Variants in MYO5C observed in about 807,000 individuals in gnomAD.
The protein encoded by MYO5C is myosin VC.
A neutral mutation model predicts 235.7 loss-of-function variants in MYO5C; 194 were observed. That is an observed-to-expected ratio of 0.82 (90% CI 0.73 to 0.93). The LOEUF (loss-of-function observed/expected upper bound fraction) is 0.93. MYO5C is among the 40% of genes least tolerant of loss of function. The pLI is 0.00. For synonymous variants in MYO5C, 707 were observed against 754.8 expected, an observed-to-expected ratio of 0.94 and a Z score of 1.04; for missense variants, 2,038 against 2,127.2, an observed-to-expected ratio of 0.96 and a Z score of 0.82.
chr15:52,237,096 A>G (rs545439021), intron 22 of MYO5C: 39 of 155,344 alleles, frequency 2.5e-4, no homozygotes, highest in Non-Finnish European at 5.1e-4. Flanking sequence ...CAGAGATGAA[A>G]ACCCTACCCT....
At chr15:52,277,704 T>C (rs575372908) in intron 4 of MYO5C, 127 of 387,692 alleles carry the variant, frequency 3.3e-4, no homozygotes, top group Non-Finnish European at 5.7e-4. Flanking sequence ...AGGTGAGAAC[T>C]GGCTTGTCCC....
Position 52,205,801 on chromosome 15 carries a change from C to T in MYO5C, c.4537+15G>A. ...GTTACTATAAATATTTTTTGGTCAT[C>T]CATTCTCTTCTTACCTATTATCGGT... On this transcript the variant is annotated intron_variant, in intron 37 of 40. Transcript: ENST00000261839. The T allele has an allele frequency of 1.3e-6, 2 of 1,481,580 alleles. No homozygotes were observed. The highest frequency in any genetic ancestry group is 1.8e-6 in the Non-Finnish European group (2 of 1,094,924). 91.8% of individuals were successfully genotyped at this position (1,481,580 alleles called of 1,614,324 possible). A position where few individuals can be genotyped will look rare whatever the true frequency, so the allele number is the denominator to read the frequency against.
rs1259246704 is a variant in MYO5C, at chr15:52,253,369, T to G, written c.1484A>C (p.Asp495Ala). 14 of 1,613,936 alleles carry G rather than the reference T, an allele frequency of 8.7e-6. No individual in the cohort carries two copies. The highest frequency in any genetic ancestry group is 1.1e-5 in the Non-Finnish European group (13 of 1,179,864). Residue 495 changes from aspartate (D) to alanine (A), a missense_variant, in exon 12 of 41, where the codon GAC (aspartate) becomes GCC (alanine). Physicochemically the swap from Asp to Ala is moderately radical, Grantham distance 126. Coordinates refer to ENST00000261839, the MANE Select transcript of MYO5C (RefSeq NM_018728.4). ...IDFYDNQPVI[D>A]LIEAKMGILE... ...AATTCCCATTTTTGCTTCAATCAGGTCAATAACTGGTTGATTGTCATAAAA... is the reference window on the plus strand; with the variant it reads ...AATTCCCATTTTTGCTTCAATCAGGGCAATAACTGGTTGATTGTCATAAAA...
intron 35 of MYO5C, 74 bp from the exon 36 acceptor site, chr15:52,208,717 T>C (rs2035378897): frequency 7.5e-7 from 1 of 1,324,608 alleles, no homozygotes; most frequent in Admixed American, 1.9e-5. Flanking sequence ...TGTTTGGTTA[T>C]TTGTAGCTTT....
chr15:52,235,343 GCGCACACACAGA>G (rs1308526591), intron 23 of MYO5C, among the ~76,000 whole-genome samples: 2 of 152,040 alleles, frequency 1.3e-5, no homozygotes, highest in African/African-American at 4.8e-5. Flanking sequence ...ACACACGAAT[GCGCACACACAGA>G]CACACACACA....
chr15:52,214,065 T>G (rs949248963), intron 33 of MYO5C, among the ~76,000 whole-genome samples: 6 of 152,032 alleles, frequency 3.9e-5, no homozygotes, highest in Non-Finnish European at 7.4e-5. Flanking sequence ...TAATAAAGAA[T>G]GAAAGAGTGA....
intron 18 of MYO5C, among the ~76,000 whole-genome samples, chr15:52,245,019 C>G (rs921664498): frequency 6.6e-6 from 1 of 152,230 alleles, no homozygotes; most frequent in Non-Finnish European, 1.5e-5. Context: ...ACACAAGGCA[C>G]CATGCCTGGA....
chr15:52,279,807 C>T, intron 2 of MYO5C, 133 bp from the exon 3 acceptor site: 8 of 848,722 alleles, frequency 9.4e-6, no homozygotes, highest in Non-Finnish European at 1.2e-5. Context: ...GTACTTATAG[C>T]AACAAGAAAA....
At chr15:52,235,912 T>C (rs1026640133) in intron 22 of MYO5C, 149 bp from the exon 23 acceptor site, 7 of 572,864 alleles carry the variant, frequency 1.2e-5, no homozygotes, top group African/African-American at 3.8e-5. Flanking sequence ...CACCAGCCAC[T>C]GTAAGACGCT....
chr15:52,229,386 A>G, intron 24 of MYO5C, 73 bp from the exon 25 acceptor site: 2 of 1,412,074 alleles, frequency 1.4e-6, no homozygotes, highest in Non-Finnish European at 1.9e-6. Flanking sequence ...GCACTTTGGG[A>G]GGCCAAGGCA....
At chr15:52,274,219 G>T (rs981318123) in intron 5 of MYO5C, among the ~76,000 whole-genome samples, 2 of 152,118 alleles carry the variant, frequency 1.3e-5, no homozygotes, top group Non-Finnish European at 2.9e-5. Context: ...TCTAGTAGAG[G>T]AGACAAACCC....
intron 28 of MYO5C, 66 bp from the exon 29 acceptor site, chr15:52,223,790 G>A: frequency 6.8e-7 from 1 of 1,464,570 alleles, no homozygotes; most frequent in African/African-American, 1.4e-5. Context: ...CTGCTGGGAG[G>A]CAGTTATGAA....
chr15:52,254,345 G>A (rs1272368801), intron 11 of MYO5C, among the ~76,000 whole-genome samples: 2 of 152,214 alleles, frequency 1.3e-5, no homozygotes, highest in Non-Finnish European at 2.9e-5. Flanking sequence ...ACTCAGGGAG[G>A]AGGAAGAGGA....
At chr15:52,260,726 T>A in intron 10 of MYO5C, 136 bp downstream of exon 10, 1 of 955,378 alleles carries the variant, frequency 1.0e-6, no homozygotes, top group South Asian at 1.7e-5. Context: ...GTACTTAGCA[T>A]CTATAGGGGC....
chr15:52,220,938 G>T (rs1317497879), intron 30 of MYO5C, among the ~76,000 whole-genome samples: 1 of 151,988 alleles, frequency 6.6e-6, no homozygotes, highest in East Asian at 1.9e-4. Flanking sequence ...GCTTCCCAAA[G>T]TGCTGGGATT....
chr15:52,239,837 G>A lies in MYO5C; in HGVS notation c.2599C>T (p.Arg867Trp), dbSNP rs766392804. 2.7e-5 allele frequency: 44 copies of A among 1,613,628 alleles called. No homozygotes were observed. The highest frequency in any genetic ancestry group is 8.0e-5 in the African/African-American group (6 of 75,046). ...AATCTGCGTCTGGCCAGCCACGCCC[G>A]TGCGTATTTCTGTAGGATCACAGCC... Reference protein sequence around the residue: ...HKAVILQKYARAWLARRRFQS... With the variant: ...HKAVILQKYAWAWLARRRFQS... Residue 867 changes from arginine (R) to tryptophan (W), a missense_variant, in exon 21 of 41, where the codon CGG becomes TGG. Transcript: ENST00000261839.
At position 52,192,820 on chromosome 15, in the gene MYO5C, T is replaced by G. The variant is rs548608435; in HGVS notation, c.*1082A>C. On this transcript the variant is annotated 3_prime_UTR_variant, in exon 41 of 41. Coordinates refer to ENST00000261839, the MANE Select transcript of MYO5C (RefSeq NM_018728.4). ...AGTAATTTAGGTTGCTTTTTCAATC[T>G]GAGGTTGTTTTAAAAAAGTTATTGT... 1 of 151,758 alleles carries G rather than the reference T, an allele frequency of 6.6e-6. No homozygotes were observed. The highest frequency in any genetic ancestry group is 1.5e-5 in the Non-Finnish European group (1 of 67,944). 9.4% of individuals were successfully genotyped at this position (151,758 alleles called of 1,614,324 possible).
intron 7 of MYO5C, among the ~76,000 whole-genome samples, chr15:52,271,234 T>TG (rs1161097845): frequency 6.8e-6 from 1 of 148,040 alleles, no homozygotes; most frequent in Non-Finnish European, 1.5e-5. Flanking sequence ...AATGAGCTAT[T>TG]TTTTTTTTTT....
chr15:52,239,966 CG>C, intron 20 of MYO5C, 87 bp from the exon 21 acceptor site: 1 of 1,382,456 alleles, frequency 7.2e-7, no homozygotes, highest in East Asian at 2.4e-5. Flanking sequence ...GCAACTACCA[CG>C]GTGTAGAAAA....
Sources: gnomAD v4.1 joint callset for allele counts (sites outside exome capture counted in the v4.1 genomes callset) on GRCh38, gnomAD v4.1.1 for gene constraint, MANE v1.5 for transcripts, NCBI Gene and HGNC (gene_info 2026-07-23, HGNC 2026-07-21) for gene names.